The following SNTG1 variants were observed in gnomAD, a reference collection of about 807,000 sequenced individuals.
SNTG1 encodes gamma-1-syntrophin.
SNTG1 carries 39 observed loss-of-function variants against 74.7 expected under a neutral mutation model. That is an observed-to-expected ratio of 0.52 (90% CI 0.40 to 0.68). SNTG1 has a LOEUF of 0.68. SNTG1 is among the 30% of genes least tolerant of loss of function. SNTG1 has a pLI of 0.00. For missense variants in SNTG1, 685 were observed against 609.5 expected (o/e 1.12, Z -1.30); for synonymous variants, 254 against 217.1 (o/e 1.17, Z -1.49).
chr8:49,992,068 T>C (rs185501453), intron 1 of SNTG1, among the ~76,000 whole-genome samples: 10 of 152,318 alleles, frequency 6.6e-5, no homozygotes, highest in Admixed American at 5.9e-4. Flanking sequence ...TTACAACATG[T>C]CTTCCTTTGC....
intron 17 of SNTG1, among the ~76,000 whole-genome samples, chr8:50,739,901 G>A (rs968893996): frequency 6.6e-6 from 1 of 152,030 alleles, no homozygotes; most frequent in African/African-American, 2.4e-5. Context: ...AATTAATGAT[G>A]CTGAGATAAC....
intron 2 of SNTG1, among the ~76,000 whole-genome samples, chr8:50,371,953 G>A (rs1048171563): frequency 6.6e-6 from 1 of 151,956 alleles, no homozygotes; most frequent in Admixed American, 6.6e-5. Context: ...GCATGTAGTT[G>A]GATCTTGTTT....
intron 9 of SNTG1, among the ~76,000 whole-genome samples, chr8:50,503,695 T>C (rs1163845930): frequency 6.6e-6 from 1 of 152,210 alleles, no homozygotes; most frequent in East Asian, 1.9e-4. Flanking sequence ...TTCACATATT[T>C]CTTAGTTTGT....
chr8:50,468,344 G>C (rs888546548), intron 8 of SNTG1, among the ~76,000 whole-genome samples: 2 of 151,898 alleles, frequency 1.3e-5, no homozygotes, highest in Admixed American at 1.3e-4. Context: ...TCTTCTTTGA[G>C]ATTCTACTGG....
rs576290964 is a variant in SNTG1 at position 50,411,590 on chromosome 8, A to ATAAT, written c.162+9247_162+9250dup. The stretch of plus-strand genomic sequence containing the variant: ...AGAGTTGTGATTTTATAACAGAAAG[A>ATAAT]TAATACAAAGGCCTACTCTTGAAAC... On this transcript the variant is annotated intron_variant, in intron 4 of 18. Coordinates refer to ENST00000642720, the MANE Select transcript of SNTG1 (RefSeq NM_018967.5). Among the ~76,000 whole-genome samples, 386 of 152,214 alleles carry ATAAT rather than the reference A, an allele frequency of 2.5e-3. 2 individuals carry two copies. Among genetic ancestry groups the ATAAT allele is most frequent in the African/African-American group, 8.9e-3 (369 of 41,546 alleles).
rs545935887 is a variant in SNTG1 at position 50,340,983 on chromosome 8, C to A, written c.-27-53229C>A. Among the ~76,000 whole-genome samples, 218 of 152,004 alleles carry A rather than the reference C, an allele frequency of 1.4e-3. 2 individuals are homozygous for A. The highest frequency in any genetic ancestry group is 4.9e-3 in the African/African-American group (204 of 41,538). The stretch of plus-strand genomic sequence containing the variant: ...TTTACTTTTCAATTGAGACTTAATT[C>A]ATCTAATCCAAACCTCCAAATGTGA... On this transcript the variant is annotated intron_variant, in intron 2 of 18. Transcript: ENST00000642720.
At chr8:50,406,142 G>C (rs1480971597) in intron 4 of SNTG1, among the ~76,000 whole-genome samples, 1 of 151,944 alleles carries the variant, frequency 6.6e-6, no homozygotes, top group African/African-American at 2.4e-5. Context: ...TAGTAGTATG[G>C]ACATCTTAAT....
intron 11 of SNTG1, among the ~76,000 whole-genome samples, chr8:50,548,441 A>G (rs777199294): frequency 1.3e-5 from 2 of 152,192 alleles, no homozygotes; most frequent in South Asian, 2.1e-4. Context: ...CAAGTCTGAC[A>G]GTGGAGCTGT....
At chr8:50,534,817 A>G (rs2094295957) in intron 10 of SNTG1, among the ~76,000 whole-genome samples, 1 of 152,116 alleles carries the variant, frequency 6.6e-6, no homozygotes, top group Middle Eastern at 3.2e-3. Flanking sequence ...CCTTTCAAAT[A>G]TGAACATAGT....
chr8:50,063,338 T>C (rs986510267), intron 1 of SNTG1, among the ~76,000 whole-genome samples: 4 of 152,248 alleles, frequency 2.6e-5, no homozygotes, highest in Non-Finnish European at 5.9e-5. Flanking sequence ...CATGCATTTG[T>C]ATATGTCACA....
chr8:50,492,035 T>C (rs2131888171), intron 8 of SNTG1, among the ~76,000 whole-genome samples: 1 of 152,276 alleles, frequency 6.6e-6, no homozygotes, highest in East Asian at 1.9e-4. Flanking sequence ...GGTGTCCAGC[T>C]TCATCCATGC....
chr8:50,236,739 C>T (rs957423695), intron 2 of SNTG1, among the ~76,000 whole-genome samples: 2 of 151,868 alleles, frequency 1.3e-5, no homozygotes, highest in Admixed American at 6.6e-5. Flanking sequence ...TGTGAGCCAC[C>T]GCGCCCGGCC....
In SNTG1 at chr8:50,443,881, C is replaced by T. The variant is rs12541865; in HGVS notation, c.219+5282C>T. On this transcript the variant is annotated intron_variant, in intron 5 of 18. Coordinates refer to ENST00000642720, the MANE Select transcript of SNTG1 (RefSeq NM_018967.5). ...AGGCACGGTGGCTCATGCCTGTAAT[C>T]CCAGGACTTTAGGAGGCCAAGGCAG... 8.8e-3 allele frequency among the ~76,000 whole-genome samples: 1,342 copies of T among 152,146 alleles called. 16 individuals carry two copies. Among genetic ancestry groups the T allele is most frequent in the Non-Finnish European group, 0.014 (975 of 68,008 alleles).
intron 13 of SNTG1, among the ~76,000 whole-genome samples, chr8:50,653,619 T>C (rs2131250948): frequency 6.6e-6 from 1 of 152,324 alleles, no homozygotes; most frequent in Admixed American, 6.5e-5. Context: ...TTTTTCTATA[T>C]GTTTATTTTG....
intron 17 of SNTG1, among the ~76,000 whole-genome samples, chr8:50,713,708 G>A (rs1328802577): frequency 6.6e-6 from 1 of 152,028 alleles, no homozygotes; most frequent in African/African-American, 2.4e-5. Flanking sequence ...TATAAGGAAG[G>A]GGTCCAGTTT....
intron 1 of SNTG1, among the ~76,000 whole-genome samples, chr8:49,996,753 C>T (rs1246761338): frequency 6.6e-6 from 1 of 152,008 alleles, no homozygotes; most frequent in East Asian, 1.9e-4. Flanking sequence ...ATTTCACAGA[C>T]CTTGAATTTT....
At chr8:50,320,223 C>A (rs1004944311) in intron 2 of SNTG1, among the ~76,000 whole-genome samples, 1 of 152,106 alleles carries the variant, frequency 6.6e-6, no homozygotes, top group Admixed American at 6.6e-5. Context: ...TGTATTTCTT[C>A]ATGTTTCAAT....
At chr8:50,623,411 A>G (rs2094936169) in intron 13 of SNTG1, among the ~76,000 whole-genome samples, 1 of 151,948 alleles carries the variant, frequency 6.6e-6, no homozygotes, top group Non-Finnish European at 1.5e-5. Flanking sequence ...TTCAAATGTA[A>G]TTTTTCTTCA....
At chr8:49,913,735 T>A (rs1291206314) in intron 1 of SNTG1, among the ~76,000 whole-genome samples, 1 of 152,218 alleles carries the variant, frequency 6.6e-6, no homozygotes, top group Non-Finnish European at 1.5e-5. Context: ...AGTGAAATTA[T>A]CACATGGAAG....
Sources: allele counts gnomAD v4.1 joint callset (sites outside exome capture counted in the v4.1 genomes callset), GRCh38; gene constraint gnomAD v4.1.1; transcripts MANE v1.5; gene names NCBI Gene and HGNC (gene_info 2026-07-23, HGNC 2026-07-21).